GABRA3: variants seen among roughly 807,000 people sequenced by gnomAD.
GABRA3 encodes the protein gamma-aminobutyric acid receptor subunit alpha-3.
GABRA3 carries 10 observed loss-of-function variants against 30.1 expected under a neutral mutation model. That is an observed-to-expected ratio of 0.33 (90% CI 0.20 to 0.56). GABRA3 has a LOEUF of 0.56. GABRA3 is among the 20% of genes least tolerant of loss of function. The pLI, the probability that GABRA3 is intolerant of heterozygous loss-of-function variation, is 0.89. For synonymous variants in GABRA3, 151 were observed against 146.8 expected (o/e 1.03, Z -0.21); for missense variants, 233 against 392.0 (o/e 0.59, Z 3.42).
At chrX:152,370,788 GACCAC>G (rs1388380961) in intron 1 of GABRA3, among the ~76,000 whole-genome samples, 2 of 110,408 alleles carry the variant, frequency 1.8e-5, no homozygotes, top group Non-Finnish European at 3.8e-5. Flanking sequence ...ATCACTCTCT[GACCAC>G]ATATTTCCAA....
chrX:152,383,388 C>CAAAAAAAAAAAAAAAAAA (rs34736587), intron 1 of GABRA3, among the ~76,000 whole-genome samples: 12 of 35,448 alleles, frequency 3.4e-4, no homozygotes, highest in Admixed American at 1.0e-3. Flanking sequence ...GACTCCATCT[C>CAAAAAAAAAAAAAAAAAA]AAAAAAAAAA....
intron 5 of GABRA3, among the ~76,000 whole-genome samples, chrX:152,230,148 C>G (rs1301651993): frequency 1.8e-5 from 2 of 111,362 alleles, no homozygotes; most frequent in African/African-American, 3.3e-5. Context: ...CTAAAATGTT[C>G]TGAAATTAGA....
intron 9 of GABRA3, among the ~76,000 whole-genome samples, chrX:152,184,532 C>A (rs748482861): frequency 3.6e-5 from 4 of 111,466 alleles, no homozygotes; most frequent in Admixed American, 9.6e-5. Context: ...GAGTATACAT[C>A]TGGCTAGAGA....
intron 3 of GABRA3, among the ~76,000 whole-genome samples, chrX:152,287,898 G>A (rs912596495): frequency 9.1e-6 from 1 of 110,231 alleles, no homozygotes; most frequent in Non-Finnish European, 1.9e-5. Context: ...AAGGGATTTG[G>A]TGTCCAGTGT....
chrX:152,382,294 G>C (rs1929165937), intron 1 of GABRA3, among the ~76,000 whole-genome samples: 1 of 112,264 alleles, frequency 8.9e-6, no homozygotes, highest in Admixed American at 9.4e-5. Context: ...TGCTGGAGAG[G>C]ATGTGGAGAA....
At chrX:152,179,447 T>G (rs1937116248) in intron 9 of GABRA3, among the ~76,000 whole-genome samples, 1 of 109,638 alleles carries the variant, frequency 9.1e-6, no homozygotes, top group African/African-American at 3.3e-5. Flanking sequence ...TACCCCCAAC[T>G]CCCAGTCCCC....
chrX:152,400,767 A>G (rs1021816772), intron 1 of GABRA3, among the ~76,000 whole-genome samples: 2 of 111,532 alleles, frequency 1.8e-5, no homozygotes, highest in Non-Finnish European at 3.8e-5. Flanking sequence ...AGAGTAAGAG[A>G]TCAGAGAGAT....
At position 152,168,197 on chromosome X, in the gene GABRA3, A is replaced by G. The variant is rs1385298351; in HGVS notation, c.*31T>C. On this transcript the variant is annotated 3_prime_UTR_variant, in exon 10 of 10. Coordinates refer to ENST00000370314, the MANE Select transcript of GABRA3 (RefSeq NM_000808.4). ...TGCCTGGATGCTTCACGGGGTATAC[A>G]GTGCTCTGGTTGCTGCACTGCCACC... The G allele has an allele frequency of 8.7e-7, 1 of 1,151,861 alleles. No individual in the cohort carries two copies. The highest frequency in any genetic ancestry group is 3.0e-5 in the East Asian group (1 of 33,565). The allele number at this position is 1,151,861 out of a possible 1,213,427, so 94.9% of individuals were successfully genotyped here. A position where few individuals can be genotyped will look rare whatever the true frequency, so the allele number is the denominator to read the frequency against.
chrX:152,245,669 CA>C (rs1361864679), intron 5 of GABRA3, among the ~76,000 whole-genome samples: 1 of 112,019 alleles, frequency 8.9e-6, no homozygotes, highest in Non-Finnish European at 1.9e-5. Flanking sequence ...TCTTTTCATA[CA>C]TTTTTTTCCT....
intron 3 of GABRA3, among the ~76,000 whole-genome samples, chrX:152,295,029 G>T (rs995998525): frequency 9.0e-6 from 1 of 111,252 alleles, no homozygotes; most frequent in Non-Finnish European, 1.9e-5. Flanking sequence ...AAATATTGCA[G>T]AACAGCGAAT....
At chrX:152,303,183 C>T (rs1348331160) in intron 3 of GABRA3, among the ~76,000 whole-genome samples, 3 of 112,312 alleles carry the variant, frequency 2.7e-5, no homozygotes, top group African/African-American at 9.7e-5. Flanking sequence ...GATTAATTTG[C>T]ATTCCCACCA....
intron 9 of GABRA3, among the ~76,000 whole-genome samples, chrX:152,181,527 T>C (rs1421161566): frequency 8.2e-5 from 9 of 110,279 alleles, no homozygotes; most frequent in Non-Finnish European, 1.7e-4. Context: ...TGTAGGGACA[T>C]GGATGAAATT....
At chrX:152,300,508 A>C (rs907395082) in intron 3 of GABRA3, among the ~76,000 whole-genome samples, 1 of 112,306 alleles carries the variant, frequency 8.9e-6, no homozygotes. Flanking sequence ...AGAAAGAAAA[A>C]GGAAAATGTC....
intron 7 of GABRA3, among the ~76,000 whole-genome samples, chrX:152,198,643 C>G (rs758161184): frequency 8.9e-6 from 1 of 112,096 alleles, no homozygotes; most frequent in Admixed American, 9.4e-5. Flanking sequence ...TTTCTGGTTT[C>G]TCTCCTACTT....
chrX:152,237,995 G>A (rs1333192403), intron 5 of GABRA3, among the ~76,000 whole-genome samples: 6 of 109,384 alleles, frequency 5.5e-5, no homozygotes, highest in African/African-American at 1.0e-4. Flanking sequence ...TCCTTCTCCT[G>A]CCTGATTGCC....
At chrX:152,357,731 C>G (rs7058450) in intron 2 of GABRA3, among the ~76,000 whole-genome samples, 2 of 111,268 alleles carry the variant, frequency 1.8e-5, no homozygotes, top group Non-Finnish European at 3.8e-5. Context: ...TCTAGATTAT[C>G]TTCCAGGGTT....
chrX:152,344,726 T>C (rs1055871821), intron 3 of GABRA3, among the ~76,000 whole-genome samples: 1 of 111,929 alleles, frequency 8.9e-6, no homozygotes, highest in African/African-American at 3.2e-5. Context: ...TTAACTCCTA[T>C]GGTGTTACTT....
chrX:152,326,686 A>G (rs376630139), intron 3 of GABRA3, among the ~76,000 whole-genome samples: 1 of 111,699 alleles, frequency 9.0e-6, no homozygotes, highest in Non-Finnish European at 1.9e-5. Flanking sequence ...GCCTGCCCTA[A>G]AAGAGCTCCT....
At chrX:152,220,845 G>GTGTGCA (rs1478155569) in intron 6 of GABRA3, among the ~76,000 whole-genome samples, 1 of 110,700 alleles carries the variant, frequency 9.0e-6, no homozygotes, top group Admixed American at 9.7e-5. Flanking sequence ...GTCTGTGCCT[G>GTGTGCA]TGTGCATGTG....
Sources: allele counts gnomAD v4.1 joint callset (sites outside exome capture counted in the v4.1 genomes callset), GRCh38; gene constraint gnomAD v4.1.1; transcripts MANE v1.5; gene names NCBI Gene and HGNC (gene_info 2026-07-23, HGNC 2026-07-21).